The following SMARCC1 variants were observed in gnomAD, a reference collection of about 807,000 sequenced individuals.
SMARCC1 encodes SWI/SNF complex subunit SMARCC1.
Under a neutral mutation model 147.4 loss-of-function variants are expected in SMARCC1, and 43 were observed. The ratio of observed to expected loss-of-function variants is 0.29; its 90% CI spans 0.23 to 0.38. The LOEUF is 0.38. SMARCC1 is among the 10% of genes least tolerant of loss of function. The probability of loss-of-function intolerance (pLI) is 1.00; values close to 1 mark genes in which losing one functional copy is unlikely to be tolerated. For missense variants in SMARCC1, 1,119 were observed against 1,381.1 expected, an observed-to-expected ratio of 0.81 and a Z score of 3.01; for synonymous variants, 495 against 484.4, an observed-to-expected ratio of 1.02 and a Z score of -0.29.
At chr3:47,625,456 AACTCC>A (rs1370848794) in intron 24 of SMARCC1, among the ~76,000 whole-genome samples, 3 of 152,092 alleles carry the variant, frequency 2.0e-5, no homozygotes, top group Non-Finnish European at 4.4e-5. Flanking sequence ...TCTAGTCTCA[AACTCC>A]TGAGCTCAAA....
At chr3:47,764,474 A>C (rs550948108) in intron 2 of SMARCC1, among the ~76,000 whole-genome samples, 1 of 152,218 alleles carries the variant, frequency 6.6e-6, no homozygotes. Context: ...AATAAGTACA[A>C]TGTCAGTGAA....
At chr3:47,624,277 A>G (rs1327580340) in intron 24 of SMARCC1, among the ~76,000 whole-genome samples, 1 of 152,100 alleles carries the variant, frequency 6.6e-6, no homozygotes, top group Admixed American at 6.6e-5. Context: ...GTGACAGAAC[A>G]AGAATCCATC....
intron 25 of SMARCC1, 144 bp downstream of exon 25, chr3:47,622,063 G>T: frequency 1.4e-6 from 1 of 729,334 alleles, no homozygotes; most frequent in South Asian, 1.7e-5. Context: ...CCTTTTGAAA[G>T]GGCAAATCAA....
intron 2 of SMARCC1, among the ~76,000 whole-genome samples, chr3:47,767,598 G>A (rs1269178784): frequency 1.9e-4 from 27 of 145,306 alleles, no homozygotes; most frequent in Middle Eastern, 7.0e-3. Flanking sequence ...GGCCGGGTGC[G>A]GTGGCTCACG....
intron 24 of SMARCC1, 108 bp downstream of exon 24, chr3:47,635,082 C>G: frequency 1.1e-6 from 1 of 926,568 alleles, no homozygotes; most frequent in Non-Finnish European, 1.7e-6. Context: ...AAGCAGTCAT[C>G]TCCTATTGGG....
chr3:47,633,762 A>ATATAT, intron 24 of SMARCC1, among the ~76,000 whole-genome samples: 1 of 29,394 alleles, frequency 3.4e-5, no homozygotes, highest in South Asian at 1.7e-3. Context: ...AAAAAAAAAA[A>ATATAT]AATATATATA....
intron 10 of SMARCC1, among the ~76,000 whole-genome samples, chr3:47,704,703 G>C (rs898789523): frequency 3.3e-5 from 5 of 151,766 alleles, no homozygotes; most frequent in African/African-American, 1.2e-4. Flanking sequence ...AATTGCTTGA[G>C]ACCAGGAGTT....
chr3:47,694,225 T>A (rs1390385468), intron 11 of SMARCC1, among the ~76,000 whole-genome samples: 1 of 152,224 alleles, frequency 6.6e-6, no homozygotes, highest in African/African-American at 2.4e-5. Context: ...TTTGTAATTA[T>A]CTTTGTGGGT....
At chr3:47,767,693 C>A (rs925725516) in intron 2 of SMARCC1, among the ~76,000 whole-genome samples, 21 of 150,530 alleles carry the variant, frequency 1.4e-4, no homozygotes, top group African/African-American at 5.1e-4. Flanking sequence ...CATGGAGAAA[C>A]CCCGTCTATA....
intron 11 of SMARCC1, among the ~76,000 whole-genome samples, chr3:47,694,692 C>T (rs527806295): frequency 6.6e-6 from 1 of 152,312 alleles, no homozygotes; most frequent in South Asian, 2.1e-4. Context: ...GTACTCATTC[C>T]TCAAAACTTT....
chr3:47,769,080 A>G (rs1487379676), intron 2 of SMARCC1, among the ~76,000 whole-genome samples: 2 of 151,626 alleles, frequency 1.3e-5, no homozygotes, highest in Non-Finnish European at 2.9e-5. Context: ...GCATGGTGGC[A>G]GGCACCTGTA....
chr3:47,738,252 T>C, intron 3 of SMARCC1, 142 bp from the exon 4 acceptor site: 1 of 577,686 alleles, frequency 1.7e-6, no homozygotes, highest in Non-Finnish European at 3.1e-6. Context: ...ATTCTCTCAG[T>C]AACATAAGAA....
intron 3 of SMARCC1, among the ~76,000 whole-genome samples, chr3:47,741,649 T>C (rs950650638): frequency 1.3e-5 from 2 of 151,888 alleles, no homozygotes; most frequent in African/African-American, 4.8e-5. Flanking sequence ...AACAAATATA[T>C]TTTCCTTTCC....
At chr3:47,757,050 A>G (rs924759413) in intron 2 of SMARCC1, among the ~76,000 whole-genome samples, 1 of 152,074 alleles carries the variant, frequency 6.6e-6, no homozygotes, top group Non-Finnish European at 1.5e-5. Context: ...CAGGAGTTTG[A>G]GATCAGCCTG....
intron 7 of SMARCC1, 52 bp from the exon 8 acceptor site, chr3:47,714,542 T>TA (rs1313963129): frequency 1.1e-6 from 1 of 883,606 alleles, no homozygotes; most frequent in Non-Finnish European, 1.8e-6. Flanking sequence ...GGTAATTCAT[T>TA]AGAAAGACTT....
At chr3:47,740,344 C>T (rs1465097070) in intron 3 of SMARCC1, among the ~76,000 whole-genome samples, 1 of 151,460 alleles carries the variant, frequency 6.6e-6, no homozygotes, top group Non-Finnish European at 1.5e-5. Flanking sequence ...TACAGGCATG[C>T]ACCACCACAC....
intron 19 of SMARCC1, among the ~76,000 whole-genome samples, chr3:47,666,813 T>C (rs1399672047): frequency 1.3e-5 from 2 of 152,200 alleles, no homozygotes; most frequent in African/African-American, 2.4e-5. Flanking sequence ...AAGCCAAAGA[T>C]TGGACATCTC....
At chr3:47,665,972 T>C (rs1034257646) in intron 19 of SMARCC1, among the ~76,000 whole-genome samples, 8 of 152,116 alleles carry the variant, frequency 5.3e-5, no homozygotes, top group African/African-American at 9.7e-5. Flanking sequence ...TACCTTTCTA[T>C]AGTAATTTCA....
At chr3:47,778,500 T>C (rs2035005039) in intron 1 of SMARCC1, among the ~76,000 whole-genome samples, 2 of 151,974 alleles carry the variant, frequency 1.3e-5, no homozygotes, top group Admixed American at 6.6e-5. Flanking sequence ...TTGTTTTGTT[T>C]TGAGACAGGG....
Sources: allele counts gnomAD v4.1 joint callset (sites outside exome capture counted in the v4.1 genomes callset), GRCh38; gene constraint gnomAD v4.1.1; transcripts MANE v1.5; gene names NCBI Gene and HGNC (gene_info 2026-07-23, HGNC 2026-07-21).